PDE6G: variants seen among roughly 807,000 people sequenced by gnomAD.
PDE6G encodes phosphodiesterase 6G, also known as rod cGMP 3',5'-cyclic phosphodiesterase subunit gamma.
PDE6G carries 10 observed loss-of-function variants against 10.9 expected under a neutral mutation model. The observed-to-expected ratio is 0.91, with a 90% CI of 0.56 to 1.55. PDE6G has a LOEUF of 1.55. Ranked by LOEUF, PDE6G falls within the 40% of genes most tolerant of loss-of-function variation. The pLI is 0.00. For missense variants in PDE6G, 102 were observed against 110.1 expected (o/e 0.93, Z 0.33); for synonymous variants, 41 against 42.8 (o/e 0.96, Z 0.16).
upstream of PDE6G, among the ~76,000 whole-genome samples, chr17:81,658,635 G>A (rs112316349): frequency 0.037 from 5,649 of 152,048 alleles, 355 homozygotes; most frequent in African/African-American, 0.13. Context: ...GAGATCAGGA[G>A]TTCAAGACCA....
At chr17:81,658,683 A>C (rs1044785490), upstream of PDE6G, among the ~76,000 whole-genome samples, 1 of 151,872 alleles carries the variant, frequency 6.6e-6, no homozygotes, top group African/African-American at 2.4e-5. Context: ...TCTACTAAAA[A>C]TACAAAAATT....
intron 1 of PDE6G, among the ~76,000 whole-genome samples, chr17:81,655,053 G>A (rs534693059): frequency 1.5e-3 from 232 of 152,174 alleles, no homozygotes; most frequent in Admixed American, 2.9e-3. Flanking sequence ...CACTGCGCCC[G>A]GCCAACCCCT....
intron 1 of PDE6G, among the ~76,000 whole-genome samples, chr17:81,661,768 G>A (rs371179292): frequency 6.6e-6 from 1 of 150,952 alleles, no homozygotes; most frequent in Non-Finnish European, 1.5e-5. Context: ...ACTGAGGCAG[G>A]AGAATCGCTT....
chr17:81,661,407 C>T (rs2036508986), upstream of PDE6G, among the ~76,000 whole-genome samples: 1 of 152,212 alleles, frequency 6.6e-6, no homozygotes, highest in African/African-American at 2.4e-5. Flanking sequence ...ACCCCACCTT[C>T]AAGCCAAAGA....
At position 81,651,131 on chromosome 17, in the gene PDE6G, AG is replaced by A. The variant is rs1555692916; in HGVS notation, c.206del (p.Pro69LeufsTer25). The A allele has an allele frequency of 6.2e-7, 1 of 1,613,726 alleles. No homozygotes were observed. Among genetic ancestry groups the A allele is most frequent in the Middle Eastern group, 1.6e-4 (1 of 6,062 alleles). On this transcript the variant is annotated frameshift_variant, in exon 4 of 4. Transcript: ENST00000331056. LOFTEE classifies it high-confidence loss of function. This position sits in a 1 kb window ranked among gnomAD's most constrained non-coding sequence, Gnocchi z 4.8. ...GCTCCAGGTGGTTGAAGGCCTCCCA[AG>A]GGCAGATGACTGTGATGTCTGTGGG... ...GLGTDITVICPWEAFNHLELH... is the reference protein window; with the variant it reads ...GLGTDITVICXWEAFNHLELH...
Position 81,653,019 on chromosome 17 carries a change from A to C in PDE6G, c.146+141T>G. On this transcript the variant is annotated intron_variant, in intron 2 of 3. Transcript: ENST00000331056. This position sits in a 1 kb window ranked among gnomAD's most constrained non-coding sequence, Gnocchi z 5.2. The stretch of plus-strand genomic sequence containing the variant: ...TCCATCCCTGCTCAGGCCCTCAGGC[A>C]CCGCCCTACCTTCCCCAGCTGTGAG... 1.0e-6 allele frequency: 1 copy of C among 986,178 alleles called. No individual in the cohort carries two copies. The highest frequency in any genetic ancestry group is 1.6e-6 in the Non-Finnish European group (1 of 622,286). The allele number at this position is 986,178 out of a possible 1,614,324, so 61.1% of individuals were successfully genotyped here. A position where few individuals can be genotyped will look rare whatever the true frequency, so the allele number is the denominator to read the frequency against.
chr17:81,650,730 G>A lies in PDE6G; in HGVS notation c.*344C>T, dbSNP rs540880322. The A allele has an allele frequency of 8.6e-6, 4 of 464,896 alleles. No individual in the cohort carries two copies. Among genetic ancestry groups the A allele is most frequent in the Non-Finnish European group, 1.3e-5 (3 of 233,284 alleles). The allele number at this position is 464,896 out of a possible 1,614,324, so 28.8% of individuals were successfully genotyped here. A position where few individuals can be genotyped will look rare whatever the true frequency, so the allele number is the denominator to read the frequency against. ...TGCCCTAGCTTTCCAGCTGGGAGGA[G>A]GGGACGATCTGGGGTCCAGCAGGCT... On this transcript the variant is annotated 3_prime_UTR_variant, in exon 4 of 4. Transcript: ENST00000331056.
chr17:81,656,493 C>A lies in PDE6G; in HGVS notation c.-60G>T, dbSNP rs773509246. ...GACAGCGGGGTTGGCCACTACTCACCAAGTGCAGGGCGGGTCTCAGGGGGC... is the reference window on the plus strand; with the variant it reads ...GACAGCGGGGTTGGCCACTACTCACAAAGTGCAGGGCGGGTCTCAGGGGGC... On this transcript the variant is annotated splice_region_variant and 5_prime_UTR_variant, in exon 1 of 4. Coordinates refer to ENST00000331056, the MANE Select transcript of PDE6G (RefSeq NM_002602.4). The A allele has an allele frequency of 4.1e-5, 31 of 762,766 alleles. No individual in the cohort carries two copies. Among genetic ancestry groups the A allele is most frequent in the Non-Finnish European group, 6.7e-5 (28 of 417,034 alleles). The allele number at this position is 762,766 out of a possible 1,614,324, so 47.2% of individuals were successfully genotyped here. A position where few individuals can be genotyped will look rare whatever the true frequency, so the allele number is the denominator to read the frequency against.
At chr17:81,652,142 G>A (rs1206398880) in intron 2 of PDE6G, among the ~76,000 whole-genome samples, 2 of 152,054 alleles carry the variant, frequency 1.3e-5, no homozygotes, top group African/African-American at 2.4e-5. Context: ...ATGGGAGCGC[G>A]GTGCCTGTGT....
At position 81,651,206 on chromosome 17, in the gene PDE6G, C is replaced by T. The variant is rs1568184728; in HGVS notation, c.188-56G>A. On this transcript the variant is annotated intron_variant, in intron 3 of 3. Transcript: ENST00000331056. This position sits in a 1 kb window ranked among gnomAD's most constrained non-coding sequence, Gnocchi z 4.8. Reference sequence around the variant, plus strand: ...GGATCCCACGGCCTAGGGACCCCCCCATCCCCTGTGGCCCTGTTTCCCACA... The same window carrying T: ...GGATCCCACGGCCTAGGGACCCCCCTATCCCCTGTGGCCCTGTTTCCCACA... 2.3e-6 allele frequency: 3 copies of T among 1,317,478 alleles called. No individual in the cohort carries two copies. The highest frequency in any genetic ancestry group is 1.2e-5 in the South Asian group (1 of 84,582). The allele number at this position is 1,317,478 out of a possible 1,614,324, so 81.6% of individuals were successfully genotyped here. A position where few individuals can be genotyped will look rare whatever the true frequency, so the allele number is the denominator to read the frequency against.
At chr17:81,660,000 G>C (rs774162585), upstream of PDE6G, among the ~76,000 whole-genome samples, 2 of 151,516 alleles carry the variant, frequency 1.3e-5, no homozygotes, top group Non-Finnish European at 2.9e-5. Context: ...CAGGAGAATC[G>C]ATTGAACCCA....
chr17:81,651,173 ATC>A lies in PDE6G; in HGVS notation c.188-25_188-24del. On this transcript the variant is annotated intron_variant, in intron 3 of 3. Transcript: ENST00000331056. The surrounding 1 kb of genome is among the most constrained non-coding windows in gnomAD (Gnocchi z 4.8). ...TGTCTGTGGGAGAAACGGGCCACGG[ATC>A]AGAGAGGATCCCACGGCCTAGGGAC... 1.3e-6 allele frequency: 2 copies of A among 1,572,816 alleles called. No individual in the cohort carries two copies. The highest frequency in any genetic ancestry group is 1.8e-6 in the Non-Finnish European group (2 of 1,142,570).
rs1279668230 is a variant in PDE6G at position 81,651,749 on chromosome 17, C to T, written c.147-64G>A. The T allele has an allele frequency of 1.4e-5, 21 of 1,551,618 alleles. No homozygotes were observed. Among genetic ancestry groups the T allele is most frequent in the Admixed American group, 5.2e-5 (3 of 58,006 alleles). ...GTCCTGGCTCAGTCAGCCTGAGGCC[C>T]GAGGTCATCTCTAGCCTTCCTAGGA... On this transcript the variant is annotated intron_variant, in intron 2 of 3. Coordinates refer to ENST00000331056, the MANE Select transcript of PDE6G (RefSeq NM_002602.4). The surrounding 1 kb of genome is among the most constrained non-coding windows in gnomAD (Gnocchi z 4.8).
chr17:81,650,891 A>G lies in PDE6G; in HGVS notation c.*183T>C, dbSNP rs2036340541. 6.0e-6 allele frequency: 4 copies of G among 671,882 alleles called. No homozygotes were observed. Among genetic ancestry groups the G allele is most frequent in the Admixed American group, 2.1e-5 (1 of 48,696 alleles). The allele number at this position is 671,882 out of a possible 1,614,324, so 41.6% of individuals were successfully genotyped here. A position where few individuals can be genotyped will look rare whatever the true frequency, so the allele number is the denominator to read the frequency against. Reference sequence around the variant, plus strand: ...GCCAGCCCCTGAGGGGGCATCCTAGAGGGAGGTGGTGGGCTCCTGGTGACT... The same window carrying G: ...GCCAGCCCCTGAGGGGGCATCCTAGGGGGAGGTGGTGGGCTCCTGGTGACT... On this transcript the variant is annotated 3_prime_UTR_variant, in exon 4 of 4. Transcript: ENST00000331056.
chr17:81,654,864 CA>C (rs2036422753), intron 1 of PDE6G, among the ~76,000 whole-genome samples: 1 of 152,032 alleles, frequency 6.6e-6, no homozygotes, highest in Non-Finnish European at 1.5e-5. Flanking sequence ...TCTCCTGCCT[CA>C]GCCTCCCCAG....
chr17:81,658,391 C>T (rs2036476222), upstream of PDE6G, among the ~76,000 whole-genome samples: 1 of 148,636 alleles, frequency 6.7e-6, no homozygotes, highest in Non-Finnish European at 1.5e-5. Flanking sequence ...GCCACAGTGG[C>T]TCACTTCTAT....
chr17:81,654,861 C>T (rs1374243912), intron 1 of PDE6G, among the ~76,000 whole-genome samples: 1 of 152,046 alleles, frequency 6.6e-6, no homozygotes, highest in Non-Finnish European at 1.5e-5. Flanking sequence ...CATTCTCCTG[C>T]CTCAGCCTCC....
At chr17:81,654,907 C>T (rs2036423540) in intron 1 of PDE6G, among the ~76,000 whole-genome samples, 1 of 151,958 alleles carries the variant, frequency 6.6e-6, no homozygotes, top group Admixed American at 6.6e-5. Context: ...GACACCACGC[C>T]CGGCTAATTT....
chr17:81,659,796 A>G (rs934500258), upstream of PDE6G, among the ~76,000 whole-genome samples: 6 of 152,146 alleles, frequency 3.9e-5, no homozygotes, highest in Non-Finnish European at 7.3e-5. Flanking sequence ...ACATGAAATG[A>G]AACTATTAGG....
Sources: gnomAD v4.1 joint callset for allele counts (sites outside exome capture counted in the v4.1 genomes callset) on GRCh38, gnomAD v4.1.1 for gene constraint, Gnocchi (gnomAD v3.1) non-coding constraint, MANE v1.5 for transcripts, NCBI Gene and HGNC (gene_info 2026-07-23, HGNC 2026-07-21) for gene names.